Variants in SPOCK1 observed in about 807,000 individuals in gnomAD.
The protein encoded by SPOCK1 is SPARC (osteonectin), cwcv and kazal like domains proteoglycan 1.
A neutral mutation model predicts 55.3 loss-of-function variants in SPOCK1; 23 were observed. That is an observed-to-expected ratio of 0.42 (90% CI 0.30 to 0.59). The LOEUF (loss-of-function observed/expected upper bound fraction) is 0.59, where lower values mean the gene tolerates loss of function less well. Among genes scored for constraint, SPOCK1 ranks in the 20% least tolerant of loss-of-function variants. SPOCK1 has a pLI of 0.22. For missense variants in SPOCK1, 499 were observed against 552.5 expected (o/e 0.90, Z 0.97); for synonymous variants, 226 against 221.0 (o/e 1.02, Z -0.20).
intron 3 of SPOCK1, among the ~76,000 whole-genome samples, chr5:137,257,410 TC>T (rs951785113): frequency 6.6e-6 from 1 of 152,092 alleles, no homozygotes; most frequent in African/African-American, 2.4e-5. Flanking sequence ...AGTGCCATTA[TC>T]AAAGGAACCT....
intron 3 of SPOCK1, among the ~76,000 whole-genome samples, chr5:137,158,306 T>C (rs750112084): frequency 4.4e-4 from 67 of 152,280 alleles, no homozygotes; most frequent in Non-Finnish European, 7.5e-4. Context: ...CTCCCCTTAG[T>C]CCTTTCACAT....
At chr5:137,203,557 T>A (rs781271418) in intron 3 of SPOCK1, among the ~76,000 whole-genome samples, 2 of 152,284 alleles carry the variant, frequency 1.3e-5, no homozygotes, top group Non-Finnish European at 2.9e-5. Flanking sequence ...TTCCTTATCA[T>A]TACTGCTATT....
chr5:137,287,394 G>A (rs1363455451), intron 2 of SPOCK1, among the ~76,000 whole-genome samples: 3 of 152,154 alleles, frequency 2.0e-5, no homozygotes, highest in Non-Finnish European at 4.4e-5. Context: ...AGGGCTCGAC[G>A]AGACTTCCTT....
intron 6 of SPOCK1, among the ~76,000 whole-genome samples, chr5:137,057,371 G>A (rs1752320301): frequency 6.6e-6 from 1 of 152,128 alleles, no homozygotes; most frequent in Admixed American, 6.6e-5. Context: ...TTTGGTTGCA[G>A]CTCTAACCAA....
At chr5:137,102,609 A>G (rs1343136171) in intron 5 of SPOCK1, among the ~76,000 whole-genome samples, 1 of 152,162 alleles carries the variant, frequency 6.6e-6, no homozygotes, top group Non-Finnish European at 1.5e-5. Flanking sequence ...TATTACAACT[A>G]GTATTTTACA....
chr5:137,435,326 A>G (rs1385608250), intron 2 of SPOCK1, among the ~76,000 whole-genome samples: 1 of 152,224 alleles, frequency 6.6e-6, no homozygotes, highest in Non-Finnish European at 1.5e-5. Context: ...AAGTTCTAAT[A>G]AGACCTGCCA....
chr5:137,118,981 T>C (rs1426049589), intron 4 of SPOCK1, among the ~76,000 whole-genome samples: 2 of 152,206 alleles, frequency 1.3e-5, no homozygotes, highest in South Asian at 2.1e-4. Flanking sequence ...TCCTCACACA[T>C]AGCAACTACT....
At chr5:137,463,579 T>C (rs1462330043) in intron 2 of SPOCK1, among the ~76,000 whole-genome samples, 3 of 150,568 alleles carry the variant, frequency 2.0e-5, no homozygotes. Context: ...CAAAAAAAAA[T>C]AGAATAAATA....
chr5:137,039,270 CTTTTTTTTTTTT>C (rs11479277), intron 6 of SPOCK1, among the ~76,000 whole-genome samples: 5 of 88,900 alleles, frequency 5.6e-5, no homozygotes, highest in Non-Finnish European at 1.1e-4. Flanking sequence ...GCCTGCCACA[CTTTTTTTTTTTT>C]TTTTTTTTTT....
intron 4 of SPOCK1, among the ~76,000 whole-genome samples, chr5:137,113,944 A>C (rs1350776508): frequency 6.6e-6 from 1 of 152,224 alleles, no homozygotes; most frequent in Non-Finnish European, 1.5e-5. Context: ...AAATGAAGGA[A>C]AGTGAGCAAG....
At chr5:137,214,235 GA>G (rs1755670968) in intron 3 of SPOCK1, among the ~76,000 whole-genome samples, 1 of 152,054 alleles carries the variant, frequency 6.6e-6, no homozygotes, top group Admixed American at 6.5e-5. Context: ...TTTTACAAAG[GA>G]AAAAAACTGA....
intron 2 of SPOCK1, among the ~76,000 whole-genome samples, chr5:137,498,019 T>C (rs927846209): frequency 6.6e-6 from 1 of 152,066 alleles, no homozygotes; most frequent in Admixed American, 6.5e-5. Flanking sequence ...AGGGAAAGTC[T>C]ACCATCACGG....
At chr5:137,406,831 C>T (rs1752109428) in intron 2 of SPOCK1, among the ~76,000 whole-genome samples, 1 of 152,196 alleles carries the variant, frequency 6.6e-6, no homozygotes, top group African/African-American at 2.4e-5. Context: ...ATAATAATAG[C>T]ATTTGCCATG....
At chr5:137,045,149 G>A (rs1752086147) in intron 6 of SPOCK1, among the ~76,000 whole-genome samples, 1 of 151,304 alleles carries the variant, frequency 6.6e-6, no homozygotes, top group Non-Finnish European at 1.5e-5. Flanking sequence ...AATCTTTTAG[G>A]TATATACCCA....
intron 5 of SPOCK1, among the ~76,000 whole-genome samples, chr5:137,082,004 G>C (rs547212726): frequency 1.3e-5 from 2 of 152,352 alleles, no homozygotes; most frequent in Non-Finnish European, 2.9e-5. Context: ...CCCAGAGCCT[G>C]ATGAAAGGAG....
intron 4 of SPOCK1, among the ~76,000 whole-genome samples, chr5:137,122,068 G>A (rs1030489499): frequency 4.6e-5 from 7 of 151,744 alleles, no homozygotes; most frequent in South Asian, 4.2e-4. Context: ...ACGTGACCAC[G>A]TAAAGTCTAC....
chr5:137,011,267 T>TA (rs1421243122), intron 6 of SPOCK1, among the ~76,000 whole-genome samples: 2 of 152,170 alleles, frequency 1.3e-5, no homozygotes, highest in African/African-American at 4.8e-5. Flanking sequence ...AATACAGAAT[T>TA]ACTGGTTTGT....
At chr5:137,280,034 G>A (rs1580844572) in intron 2 of SPOCK1, among the ~76,000 whole-genome samples, 2 of 152,168 alleles carry the variant, frequency 1.3e-5, no homozygotes, top group South Asian at 2.1e-4. Flanking sequence ...CAGGACCCTG[G>A]AGGTCCCCCG....
intron 2 of SPOCK1, among the ~76,000 whole-genome samples, chr5:137,285,059 T>C (rs911428432): frequency 5.9e-5 from 9 of 152,208 alleles, no homozygotes; most frequent in African/African-American, 2.2e-4. Flanking sequence ...GATATGTGAA[T>C]TGCCCCAGAC....
Sources: allele counts gnomAD v4.1 joint callset (sites outside exome capture counted in the v4.1 genomes callset), GRCh38; gene constraint gnomAD v4.1.1; transcripts MANE v1.5; gene names NCBI Gene and HGNC (gene_info 2026-07-23, HGNC 2026-07-21).